The following MDGA2 variants were observed in gnomAD, a reference collection of about 807,000 sequenced individuals.
The protein encoded by MDGA2 is MAM domain containing glycosylphosphatidylinositol anchor 2, also known as MAM domain-containing glycosylphosphatidylinositol anchor protein 2.
Under a neutral mutation model 117.8 loss-of-function variants are expected in MDGA2, and 40 were observed. That is an observed-to-expected ratio of 0.34 (90% CI 0.26 to 0.44). The LOEUF (loss-of-function observed/expected upper bound fraction) is 0.44, where lower values mean the gene tolerates loss of function less well. Ranked by LOEUF, MDGA2 falls within the 20% of genes least tolerant of loss-of-function variation. The pLI is 1.00. For synonymous variants in MDGA2, 452 were observed against 439.0 expected (o/e 1.03, Z -0.37); for missense variants, 1,123 against 1,250.6 (o/e 0.90, Z 1.54).
chr14:47,249,809 A>G (rs1301762704), intron 2 of MDGA2, among the ~76,000 whole-genome samples: 1 of 152,230 alleles, frequency 6.6e-6, no homozygotes, highest in Non-Finnish European at 1.5e-5. Context: ...ATTTACTGAA[A>G]AAAAGTTCAC....
chr14:46,975,787 T>G (rs1324628210), intron 8 of MDGA2, among the ~76,000 whole-genome samples: 2 of 152,062 alleles, frequency 1.3e-5, no homozygotes, highest in Non-Finnish European at 2.9e-5. Flanking sequence ...GCAGGGAAGT[T>G]CAAGATCAGG....
At chr14:47,428,974 A>C (rs577137562) in intron 1 of MDGA2, among the ~76,000 whole-genome samples, 1 of 152,124 alleles carries the variant, frequency 6.6e-6, no homozygotes, top group South Asian at 2.1e-4. Context: ...ATTATATAAA[A>C]AAACTAAGGG....
At chr14:47,167,962 T>C (rs1055609584) in intron 3 of MDGA2, among the ~76,000 whole-genome samples, 2 of 152,150 alleles carry the variant, frequency 1.3e-5, no homozygotes, top group Admixed American at 1.3e-4. Context: ...TTTGATAAAA[T>C]GTACAACTCC....
chr14:46,915,230 T>A (rs1883855476), intron 10 of MDGA2, among the ~76,000 whole-genome samples: 1 of 152,170 alleles, frequency 6.6e-6, no homozygotes, highest in African/African-American at 2.4e-5. Context: ...AGTTAGTATC[T>A]GATTGTGTCC....
rs188171139 is a variant in MDGA2, at chr14:47,050,166, A to C, written c.1525+11083T>G. Among the ~76,000 whole-genome samples, 158 of 152,202 alleles carry C rather than the reference A, an allele frequency of 1.0e-3. 1 individual carries two copies. The highest frequency in any genetic ancestry group is 3.5e-3 in the African/African-American group (145 of 41,572). On this transcript the variant is annotated intron_variant, in intron 7 of 16. Transcript: ENST00000399232. ...TCTGTGTAAAGAACCAAGGTTCTTC[A>C]GCCAGAATTCACCTATGTTCAACAC...
chr14:47,155,888 CTTTTTTTTTTTTTTTTTTTTTTTTT>C lies in MDGA2; in HGVS notation c.596-11639_596-11615del, dbSNP rs55827732. Among the ~76,000 whole-genome samples the C allele has an allele frequency of 8.0e-4, 32 of 40,196 alleles. 1 individual carries two copies. The highest frequency in any genetic ancestry group is 4.3e-3 in the Admixed American group (10 of 2,322). 26.4% of individuals were successfully genotyped at this position (40,196 alleles called of 152,430 possible). ...ATTCTTTTCTTTTCTTCTTCTTCTTCTTTTTTTTTTTTTTTTTTTTTTTTTTTTTTTTTTTTTTTTTTTGAGACAG... is the reference window on the plus strand; with the variant it reads ...ATTCTTTTCTTTTCTTCTTCTTCTTCTTTTTTTTTTTTTTTTTTGAGACAG... On this transcript the variant is annotated intron_variant, in intron 3 of 16. Coordinates refer to ENST00000399232, the MANE Select transcript of MDGA2 (RefSeq NM_001113498.3).
At chr14:47,038,965 T>A (rs1401278723) in intron 7 of MDGA2, among the ~76,000 whole-genome samples, 4 of 148,972 alleles carry the variant, frequency 2.7e-5, no homozygotes, top group Non-Finnish European at 4.5e-5. Flanking sequence ...AAAAAAAAAA[T>A]AGATTTTAAA....
chr14:47,191,032 A>G (rs916277935), intron 3 of MDGA2, among the ~76,000 whole-genome samples: 1 of 152,084 alleles, frequency 6.6e-6, no homozygotes, highest in Non-Finnish European at 1.5e-5. Context: ...TATGGTTCTT[A>G]TATTAGATTT....
intron 3 of MDGA2, chr14:47,200,524 T>TC (rs1206594408): frequency 1.6e-6 from 1 of 622,032 alleles, no homozygotes; most frequent in East Asian, 3.2e-5. Flanking sequence ...TTCTTTTTTC[T>TC]TTTTCTTTTC....
intron 12 of MDGA2, among the ~76,000 whole-genome samples, chr14:46,874,590 G>C (rs1882149129): frequency 6.6e-6 from 1 of 151,816 alleles, no homozygotes. Flanking sequence ...TAATTTACCT[G>C]AGGGTAGTTT....
chr14:47,184,813 T>C (rs1195915762), intron 3 of MDGA2, among the ~76,000 whole-genome samples: 4 of 151,672 alleles, frequency 2.6e-5, no homozygotes, highest in African/African-American at 4.8e-5. Context: ...AAAACATATA[T>C]ATCATGAAGG....
At chr14:47,311,606 T>C (rs2139843485) in intron 1 of MDGA2, among the ~76,000 whole-genome samples, 1 of 152,262 alleles carries the variant, frequency 6.6e-6, no homozygotes, top group Admixed American at 6.5e-5. Flanking sequence ...TACCACAAGG[T>C]AGAAATGATT....
At chr14:47,420,250 C>T (rs75500190) in intron 1 of MDGA2, among the ~76,000 whole-genome samples, 38 of 152,232 alleles carry the variant, frequency 2.5e-4, no homozygotes, top group Non-Finnish European at 2.9e-4. Context: ...ACATCAATCT[C>T]TTCAGAAATA....
intron 1 of MDGA2, among the ~76,000 whole-genome samples, chr14:47,535,581 G>A (rs1210442632): frequency 1.3e-5 from 2 of 152,130 alleles, no homozygotes; most frequent in African/African-American, 2.4e-5. Context: ...GCTCTGAGTC[G>A]GGAAGGAGTG....
chr14:47,030,108 G>A (rs557379157), intron 8 of MDGA2, among the ~76,000 whole-genome samples: 1 of 151,990 alleles, frequency 6.6e-6, no homozygotes, highest in African/African-American at 2.4e-5. Context: ...TTACAGGTGT[G>A]AGCCACCCCC....
intron 8 of MDGA2, among the ~76,000 whole-genome samples, chr14:47,003,373 A>G (rs1336122854): frequency 6.6e-6 from 1 of 151,936 alleles, no homozygotes; most frequent in Non-Finnish European, 1.5e-5. Flanking sequence ...AAATGAAAAA[A>G]AAAACCTACC....
chr14:47,113,112 T>G (rs1413890952), intron 5 of MDGA2, among the ~76,000 whole-genome samples: 3 of 152,124 alleles, frequency 2.0e-5, no homozygotes, highest in Admixed American at 1.3e-4. Flanking sequence ...TAAATTTGCT[T>G]AAGTTCATTG....
intron 2 of MDGA2, among the ~76,000 whole-genome samples, chr14:47,293,080 C>G (rs1367417210): frequency 6.6e-6 from 1 of 152,122 alleles, no homozygotes; most frequent in Non-Finnish European, 1.5e-5. Flanking sequence ...CCCTGGGATA[C>G]AGAGGACAGT....
chr14:47,314,284 A>G (rs1192716708), intron 1 of MDGA2, among the ~76,000 whole-genome samples: 13 of 152,182 alleles, frequency 8.5e-5, no homozygotes, highest in Admixed American at 8.5e-4. Flanking sequence ...CCGCAGGTGT[A>G]CACCATTAAT....
Sources: gnomAD v4.1 joint callset for allele counts (sites outside exome capture counted in the v4.1 genomes callset) on GRCh38, gnomAD v4.1.1 for gene constraint, MANE v1.5 for transcripts, NCBI Gene and HGNC (gene_info 2026-07-23, HGNC 2026-07-21) for gene names.